Variants in MYO10 observed in about 807,000 individuals in gnomAD.
The protein encoded by MYO10 is unconventional myosin-X.
A neutral mutation model predicts 257.3 loss-of-function variants in MYO10; 133 were observed. That is an observed-to-expected ratio of 0.52 (90% CI 0.45 to 0.60). The LOEUF (loss-of-function observed/expected upper bound fraction) is 0.60. Ranked by LOEUF, MYO10 falls within the 20% of genes least tolerant of loss-of-function variation. The pLI is 0.00. For synonymous variants in MYO10, 1,104 were observed against 1,028.6 expected (o/e 1.07, Z -1.40); for missense variants, 2,399 against 2,635.7 (o/e 0.91, Z 1.97).
Position 16,935,812 on chromosome 5 carries a change from T to C in MYO10, c.-4A>G, listed in dbSNP as rs754248198. On this transcript the variant is annotated 5_prime_UTR_variant, in exon 1 of 41. Transcript: ENST00000513610. ...CCTCGGTGAAGAAGTTATCCATTGT[T>C]CCAGCGCAGTCCCGGACTCGCCGAG... 1.9e-5 allele frequency: 31 copies of C among 1,613,156 alleles called. 2 individuals are homozygous for C. The South Asian group carries it at 3.3e-4, about 17-fold the overall frequency.
chr5:16,902,403 A>G (rs2560842), intron 1 of MYO10: 1 of 1,245,002 alleles, frequency 8.0e-7, no homozygotes, highest in Non-Finnish European at 1.2e-6. Flanking sequence ...TACTTTGCTG[A>G]GAACTGCACA....
At chr5:16,786,663 A>T (rs1005851235) in intron 4 of MYO10, among the ~76,000 whole-genome samples, 4 of 152,160 alleles carry the variant, frequency 2.6e-5, no homozygotes, top group African/African-American at 9.7e-5. Flanking sequence ...AAAATCCAAA[A>T]ACATTGGAAA....
chr5:16,734,516 G>A (rs1191328169), intron 19 of MYO10, among the ~76,000 whole-genome samples: 1 of 152,204 alleles, frequency 6.6e-6, no homozygotes, highest in East Asian at 1.9e-4. Flanking sequence ...CAAGACTCCC[G>A]ATGTCAGGCC....
chr5:16,873,235 A>AGGGC (rs1430812019), intron 2 of MYO10, among the ~76,000 whole-genome samples: 1 of 152,224 alleles, frequency 6.6e-6, no homozygotes, highest in African/African-American at 2.4e-5. Context: ...AAGAGGTTAC[A>AGGGC]GGGCACAGAC....
chr5:16,869,470 G>A (rs1744386865), intron 2 of MYO10, among the ~76,000 whole-genome samples: 1 of 152,054 alleles, frequency 6.6e-6, no homozygotes, highest in South Asian at 2.1e-4. Flanking sequence ...TAGCTACTCA[G>A]GAGACTGAGA....
At chr5:16,899,362 C>CGAT (rs1330010942) in intron 1 of MYO10, among the ~76,000 whole-genome samples, 1 of 151,548 alleles carries the variant, frequency 6.6e-6, no homozygotes, top group Admixed American at 6.6e-5. Context: ...TGGCTGGGCG[C>CGAT]GATGACTCAC....
chr5:16,666,824 G>A (rs768238401), intron 40 of MYO10, 31 bp from the exon 41 acceptor site: 17 of 1,534,460 alleles, frequency 1.1e-5, no homozygotes, highest in South Asian at 9.4e-5. Flanking sequence ...CCGACACAGC[G>A]TCACAAGTCT....
At chr5:16,742,743 G>A (rs919917408) in intron 19 of MYO10, among the ~76,000 whole-genome samples, 4 of 151,518 alleles carry the variant, frequency 2.6e-5, no homozygotes, top group Non-Finnish European at 4.4e-5. Flanking sequence ...AACAGGAAGC[G>A]GACATTGCAG....
intron 35 of MYO10, among the ~76,000 whole-genome samples, chr5:16,674,629 A>T (rs964568913): frequency 2.0e-5 from 3 of 151,274 alleles, no homozygotes; most frequent in Non-Finnish European, 4.4e-5. Flanking sequence ...ATACATTAGG[A>T]CATTACACCA....
In MYO10 at chr5:16,673,799, C is replaced by G. The variant is rs1736587850; in HGVS notation, c.5055G>C (p.Val1685=). ...GAGCTTCTATTTCATCTCGGGAAGG[C>G]ACAAACTCTCGGCATTTGGTTTTCT... The part of the protein sequence containing the change: ...SLKKTKCREF[V]PSRDEIEALI... The change falls in exon 36 of 41, where the codon GTG becomes GTC. Residue 1685 remains valine, a synonymous_variant. Coordinates refer to ENST00000513610, the MANE Select transcript of MYO10 (RefSeq NM_012334.3). 1.9e-6 allele frequency: 3 copies of G among 1,613,858 alleles called. No homozygotes were observed. The highest frequency in any genetic ancestry group is 1.7e-5 in the Admixed American group (1 of 60,000).
chr5:16,670,597 G>A lies in MYO10; in HGVS notation c.5812C>T (p.Gln1938Ter). ...AAGGCCATGTACTTGGCCATGGCCTGTTCCTGGTTCATTCCCTGAAATTTC... is the reference window on the plus strand; with the variant it reads ...AAGGCCATGTACTTGGCCATGGCCTATTCCTGGTTCATTCCCTGAAATTTC... ...WRKFQGMNQEQAMAKYMALIK... is the reference protein window; with the variant it reads ...WRKFQGMNQE The change falls in exon 39 of 41, where the codon CAG (glutamine) becomes TAG (stop). Residue 1938 changes from glutamine (Q) to a stop codon, truncating the protein, a stop_gained. Coordinates refer to ENST00000513610, the MANE Select transcript of MYO10 (RefSeq NM_012334.3). LOFTEE classifies it high-confidence loss of function. The A allele has an allele frequency of 6.2e-7, 1 of 1,614,018 alleles. No individual in the cohort carries two copies. Among genetic ancestry groups the A allele is most frequent in the Non-Finnish European group, 8.5e-7 (1 of 1,179,886 alleles).
At chr5:16,747,937 A>AAAG (rs1740253566) in intron 19 of MYO10, among the ~76,000 whole-genome samples, 1 of 123,000 alleles carries the variant, frequency 8.1e-6, no homozygotes, top group African/African-American at 4.8e-5. Flanking sequence ...AAAAAAAAAA[A>AAAG]AAAAAAAAAG....
At chr5:16,878,135 T>C (rs1744657880) in intron 1 of MYO10, among the ~76,000 whole-genome samples, 1 of 152,180 alleles carries the variant, frequency 6.6e-6, no homozygotes, top group South Asian at 2.1e-4. Flanking sequence ...ACCAGAAGTT[T>C]AACTAGGTCT....
chr5:16,734,792 C>T (rs114548327), intron 19 of MYO10, among the ~76,000 whole-genome samples: 5,111 of 149,084 alleles, frequency 0.034, 320 homozygotes, highest in African/African-American at 0.12. Context: ...GTGACAAGCA[C>T]GAAACTCTGT....
chr5:16,721,913 C>T (rs907963693), intron 19 of MYO10, among the ~76,000 whole-genome samples: 6 of 152,200 alleles, frequency 3.9e-5, no homozygotes, highest in African/African-American at 1.4e-4. Context: ...AAGACAAAGG[C>T]TTCGATTTCC....
chr5:16,852,681 C>A (rs1743844198), intron 2 of MYO10, among the ~76,000 whole-genome samples: 2 of 151,792 alleles, frequency 1.3e-5, no homozygotes, highest in South Asian at 4.2e-4. Context: ...ACATGAGAAG[C>A]CCTCTTTTCT....
intron 19 of MYO10, among the ~76,000 whole-genome samples, chr5:16,719,834 C>T (rs1739067354): frequency 6.6e-6 from 1 of 152,060 alleles, no homozygotes; most frequent in Non-Finnish European, 1.5e-5. Context: ...CGTGGTGGTA[C>T]ATGCCTATAA....
In MYO10 at chr5:16,819,558, T is replaced by A. The variant is rs181552987; in HGVS notation, c.121-1391A>T. ...AAGTAAAATAAAAACATCAAGAGATTTAAAAAAAAAAGGATGTTAAATAAC... is the reference window on the plus strand; with the variant it reads ...AAGTAAAATAAAAACATCAAGAGATATAAAAAAAAAAGGATGTTAAATAAC... On this transcript the variant is annotated intron_variant, in intron 2 of 40. Transcript: ENST00000513610. Among the ~76,000 whole-genome samples the A allele has an allele frequency of 1.1e-4, 16 of 152,154 alleles. 1 individual carries two copies. Among genetic ancestry groups the A allele is most frequent in the Admixed American group, 9.8e-4 (15 of 15,276 alleles).
chr5:16,760,628 G>A (rs1740682315), intron 17 of MYO10, among the ~76,000 whole-genome samples: 1 of 151,972 alleles, frequency 6.6e-6, no homozygotes, highest in Non-Finnish European at 1.5e-5. Context: ...TATAATTATA[G>A]CTGAATTAAG....
Sources: gnomAD v4.1 joint callset for allele counts (sites outside exome capture counted in the v4.1 genomes callset) on GRCh38, gnomAD v4.1.1 for gene constraint, MANE v1.5 for transcripts, NCBI Gene and HGNC (gene_info 2026-07-23, HGNC 2026-07-21) for gene names.